Variants in COL21A1 observed in about 807,000 individuals in gnomAD.
COL21A1 encodes the protein collagen type XXI alpha 1 chain.
COL21A1 carries 149 observed loss-of-function variants against 137.9 expected under a neutral mutation model. That is an observed-to-expected ratio of 1.08 (90% CI 0.95 to 1.24). COL21A1 has a LOEUF of 1.24. Among genes scored for constraint, COL21A1 ranks in the 50% most tolerant of loss-of-function variants. The pLI, the probability that COL21A1 is intolerant of heterozygous loss-of-function variation, is 0.00. For missense variants in COL21A1, 1,167 were observed against 1,158.4 expected (o/e 1.01, Z -0.11); for synonymous variants, 456 against 391.5 (o/e 1.16, Z -1.95).
chr6:56,304,801 C>T (rs1764398740), intron 1 of COL21A1, among the ~76,000 whole-genome samples: 3 of 151,912 alleles, frequency 2.0e-5, no homozygotes, highest in Admixed American at 2.0e-4. Flanking sequence ...CTCTTGCTTC[C>T]TCAGTTCTTT....
At chr6:56,077,393 A>T in intron 18 of COL21A1, 136 bp downstream of exon 18, 4 of 638,960 alleles carry the variant, frequency 6.3e-6, no homozygotes, top group Non-Finnish European at 8.0e-6. Context: ...TTGTAAAGCC[A>T]AAACAACGTC....
chr6:56,132,225 G>A (rs1773616228), intron 12 of COL21A1, among the ~76,000 whole-genome samples: 1 of 151,906 alleles, frequency 6.6e-6, no homozygotes, highest in African/African-American at 2.4e-5. Context: ...ATTCAAGATT[G>A]AAGTAAAAAG....
chr6:56,132,870 G>T (rs12209185), intron 12 of COL21A1, among the ~76,000 whole-genome samples: 22,789 of 152,010 alleles, frequency 0.15, 1,728 homozygotes, highest in Middle Eastern at 0.22. Context: ...TTTTCCTGCT[G>T]CCATTCATGT....
Position 56,302,299 on chromosome 6 carries a change from A to G in COL21A1, c.-39+91672T>C, listed in dbSNP as rs895336341. Among the ~76,000 whole-genome samples, 5 of 152,210 alleles carry G rather than the reference A, an allele frequency of 3.3e-5. No homozygotes were observed. In the South Asian group the frequency reaches 6.2e-4, roughly 19 times the overall value. On this transcript the variant is annotated intron_variant, in intron 1 of 28. Transcript: ENST00000370819. ...TCTAGTTCTAGATCCCTGAGGAATC[A>G]CCACACTGACTTCCACAATGGTTGC...
chr6:56,189,871 G>T (rs1778545098), intron 1 of COL21A1, among the ~76,000 whole-genome samples: 1 of 152,132 alleles, frequency 6.6e-6, no homozygotes, highest in Non-Finnish European at 1.5e-5. Flanking sequence ...GCCAAACTAA[G>T]CTTCATAAGC....
rs796810988 is a variant in COL21A1, at chr6:56,099,365, T to C, written c.1812+2107A>G. 3.3e-5 allele frequency among the ~76,000 whole-genome samples: 5 copies of C among 150,886 alleles called. No individual in the cohort carries two copies. The Admixed American group carries it at 3.3e-4, about 10-fold the overall frequency. ...TCTCCGGCCTCAGCCCCTCTCCGAG[T>C]AGCTGGGACTACAGGCGCCCGCCAC... is the stretch of plus-strand genomic sequence containing the variant. On this transcript the variant is annotated intron_variant, in intron 17 of 29. Transcript: ENST00000244728.
chr6:56,106,953 A>AT (rs1226232559), intron 16 of COL21A1, among the ~76,000 whole-genome samples: 1 of 151,860 alleles, frequency 6.6e-6, no homozygotes, highest in African/African-American at 2.4e-5. Flanking sequence ...CGCCCGGCTA[A>AT]TTTTTTTGTA....
intron 1 of COL21A1, among the ~76,000 whole-genome samples, chr6:56,230,480 G>T (rs897681283): frequency 3.5e-4 from 53 of 151,676 alleles, no homozygotes; most frequent in African/African-American, 1.2e-3. Flanking sequence ...ATTTTTTTAA[G>T]GAAAAGATAT....
At chr6:56,148,925 G>T (rs1005683834) in intron 10 of COL21A1, among the ~76,000 whole-genome samples, 4 of 152,160 alleles carry the variant, frequency 2.6e-5, no homozygotes, top group African/African-American at 9.7e-5. Context: ...TGTGCCTCAA[G>T]TATAGAGTTC....
At chr6:56,306,415 A>C (rs1179957942) in intron 1 of COL21A1, among the ~76,000 whole-genome samples, 6 of 152,046 alleles carry the variant, frequency 3.9e-5, no homozygotes, top group Non-Finnish European at 7.4e-5. Context: ...TATTTCTTGG[A>C]GGCTTTATTC....
intron 1 of COL21A1, among the ~76,000 whole-genome samples, chr6:56,347,528 A>T (rs1765622974): frequency 6.6e-6 from 1 of 151,712 alleles, no homozygotes; most frequent in Non-Finnish European, 1.5e-5. Context: ...AAAAAAAAAA[A>T]AAAAAAAAAG....
At chr6:56,346,665 T>C (rs1178094224) in intron 1 of COL21A1, among the ~76,000 whole-genome samples, 1 of 152,176 alleles carries the variant, frequency 6.6e-6, no homozygotes, top group Non-Finnish European at 1.5e-5. Context: ...AAATAAAAAG[T>C]AGTTCAGTAT....
At chr6:56,282,160 G>C (rs1423396178) in intron 1 of COL21A1, among the ~76,000 whole-genome samples, 8 of 152,104 alleles carry the variant, frequency 5.3e-5, no homozygotes, top group African/African-American at 1.9e-4. Context: ...TTCTAGACTA[G>C]AAAATCACCT....
chr6:56,097,672 T>G (rs1251262178), intron 17 of COL21A1, among the ~76,000 whole-genome samples: 1 of 147,894 alleles, frequency 6.8e-6, no homozygotes, highest in Non-Finnish European at 1.5e-5. Flanking sequence ...CCCAAATCAG[T>G]GTCTGCTTGG....
chr6:56,258,201 C>T (rs1333050481), intron 1 of COL21A1, among the ~76,000 whole-genome samples: 2 of 152,074 alleles, frequency 1.3e-5, no homozygotes, highest in African/African-American at 2.4e-5. Flanking sequence ...TTAGCAATAA[C>T]TTTTAAACAA....
intron 1 of COL21A1, among the ~76,000 whole-genome samples, chr6:56,296,687 A>G (rs1467985118): frequency 6.6e-6 from 1 of 151,988 alleles, no homozygotes; most frequent in East Asian, 1.9e-4. Context: ...TGTCAGAAGA[A>G]ATATACAAAT....
chr6:56,097,645 G>A (rs1413644736), intron 17 of COL21A1, among the ~76,000 whole-genome samples: 1 of 149,448 alleles, frequency 6.7e-6, no homozygotes, highest in Non-Finnish European at 1.5e-5. Flanking sequence ...AGTGGGAGCA[G>A]GCAGGGCAAA....
upstream of COL21A1, among the ~76,000 whole-genome samples, chr6:56,251,214 G>A (rs1782844950): frequency 1.3e-5 from 2 of 152,100 alleles, no homozygotes; most frequent in South Asian, 4.1e-4. Flanking sequence ...TCCCTGCTAA[G>A]GTAATAATTC....
intron 1 of COL21A1, among the ~76,000 whole-genome samples, chr6:56,231,609 A>C (rs1042462607): frequency 6.6e-6 from 1 of 151,876 alleles, no homozygotes; most frequent in Admixed American, 6.6e-5. Context: ...CTATTGTCTT[A>C]AATATTTTAC....
Sources: gnomAD v4.1 joint callset for allele counts (sites outside exome capture counted in the v4.1 genomes callset) on GRCh38, gnomAD v4.1.1 for gene constraint, MANE v1.5 for transcripts, NCBI Gene and HGNC (gene_info 2026-07-23, HGNC 2026-07-21) for gene names.